TEX10: variants seen among roughly 807,000 people sequenced by gnomAD.
The protein encoded by TEX10 is testis expressed 10.
Under a neutral mutation model 104.4 loss-of-function variants are expected in TEX10, and 24 were observed. That is an observed-to-expected ratio of 0.23 (90% CI 0.17 to 0.32). The LOEUF (loss-of-function observed/expected upper bound fraction) is 0.32. TEX10 is among the 10% of genes least tolerant of loss of function. The pLI is 1.00. For synonymous variants in TEX10, 396 were observed against 393.4 expected (o/e 1.01, Z -0.08); for missense variants, 921 against 1,083.9 (o/e 0.85, Z 2.11).
intron 5 of TEX10, among the ~76,000 whole-genome samples, chr9:100,339,094 A>G (rs1187208151): frequency 1.3e-5 from 2 of 151,034 alleles, no homozygotes; most frequent in East Asian, 3.9e-4. Context: ...TCTCTACTAA[A>G]AATACAAAAA....
chr9:100,346,225 T>G lies in TEX10; in HGVS notation c.984A>C (p.Leu328=), dbSNP rs770324361. The G allele has an allele frequency of 1.2e-6, 2 of 1,614,002 alleles. No homozygotes were observed. Among genetic ancestry groups the G allele is most frequent in the South Asian group, 2.2e-5 (2 of 91,076 alleles). ...KGFIEIIIPL[L]IECWVEAVPP... is the part of the protein sequence containing the mutation. ...GTACAGCTTCAACCCAGCATTCAAT[T>G]AGCAATGGAATTATTATCTCAATAA... The change falls in exon 4 of 15, where the codon CTA becomes CTC. Residue 328 remains leucine, a synonymous_variant. Coordinates refer to ENST00000374902, the MANE Select transcript of TEX10 (RefSeq NM_017746.4).
At chr9:100,327,481 G>T (rs1038794553) in intron 8 of TEX10, among the ~76,000 whole-genome samples, 2 of 150,870 alleles carry the variant, frequency 1.3e-5, no homozygotes, top group Admixed American at 6.6e-5. Context: ...AAGTAATAAA[G>T]ATATGTCTTG....
At chr9:100,309,876 C>T (rs1238317719) in intron 12 of TEX10, among the ~76,000 whole-genome samples, 1 of 152,180 alleles carries the variant, frequency 6.6e-6, no homozygotes, top group Non-Finnish European at 1.5e-5. Flanking sequence ...GTTGAGTCTA[C>T]AGCTGCCAGT....
chr9:100,324,705 T>G (rs1015324931), intron 9 of TEX10, among the ~76,000 whole-genome samples: 1 of 152,200 alleles, frequency 6.6e-6, no homozygotes, highest in Admixed American at 6.5e-5. Context: ...GATGAAGACA[T>G]TAAATGCATC....
chr9:100,318,342 C>G (rs1834472777), intron 11 of TEX10, among the ~76,000 whole-genome samples: 1 of 152,162 alleles, frequency 6.6e-6, no homozygotes, highest in South Asian at 2.1e-4. Context: ...AGGCCATTAT[C>G]TTAAGTGAAA....
intron 7 of TEX10, 111 bp from the exon 8 acceptor site, chr9:100,328,073 T>C (rs1191963677): frequency 3.9e-6 from 3 of 766,400 alleles, no homozygotes; most frequent in South Asian, 4.4e-5. Flanking sequence ...TGACTAATTA[T>C]GTATCAATAA....
At chr9:100,321,179 A>G (rs1356924856) in intron 10 of TEX10, among the ~76,000 whole-genome samples, 1 of 152,230 alleles carries the variant, frequency 6.6e-6, no homozygotes, top group Non-Finnish European at 1.5e-5. Context: ...ATAAATATAC[A>G]GTAAACATAT....
At chr9:100,324,063 CCTT>C (rs1227682745) in intron 9 of TEX10, among the ~76,000 whole-genome samples, 1 of 152,066 alleles carries the variant, frequency 6.6e-6, no homozygotes, top group Non-Finnish European at 1.5e-5. Flanking sequence ...GATGGAGTCT[CCTT>C]CTGTCACCCA....
intron 5 of TEX10, 142 bp from the exon 6 acceptor site, chr9:100,330,311 C>G: frequency 1.5e-6 from 1 of 686,738 alleles, no homozygotes; most frequent in Non-Finnish European, 2.5e-6. Flanking sequence ...GGTGCATAGG[C>G]AAGACTTAGG....
At chr9:100,329,591 T>C (rs568551573) in intron 6 of TEX10, among the ~76,000 whole-genome samples, 2 of 152,278 alleles carry the variant, frequency 1.3e-5, no homozygotes, top group Admixed American at 6.5e-5. Context: ...ACTCTAAAAC[T>C]GACTTAATAT....
At chr9:100,304,621 G>A (rs1202001547) in intron 13 of TEX10, 2 of 152,212 alleles carry the variant, frequency 1.3e-5, no homozygotes, top group Non-Finnish European at 2.9e-5. Flanking sequence ...AGCACTTTGG[G>A]AGGCTGAGGC....
In TEX10 at chr9:100,308,819, C is replaced by T. The variant is rs1253038555; in HGVS notation, c.2284-138G>A. 9 of 648,360 alleles carry T rather than the reference C, an allele frequency of 1.4e-5. No homozygotes were observed. The Admixed American group carries it at 3.3e-4, about 23-fold the overall frequency. 40.2% of individuals were successfully genotyped at this position (648,360 alleles called of 1,614,324 possible). On this transcript the variant is annotated intron_variant, in intron 12 of 14. Transcript: ENST00000374902. ...ATATATACCTAACATATGCCACCTGCCACACCTTAAGGTCCTGTTTTCCTT... is the reference window on the plus strand; with the variant it reads ...ATATATACCTAACATATGCCACCTGTCACACCTTAAGGTCCTGTTTTCCTT...
At chr9:100,348,370 C>T (rs1358027382) in intron 2 of TEX10, among the ~76,000 whole-genome samples, 1 of 152,020 alleles carries the variant, frequency 6.6e-6, no homozygotes, top group Non-Finnish European at 1.5e-5. Flanking sequence ...GTAAATATAC[C>T]AAAACCAATG....
chr9:100,329,338 C>A, intron 6 of TEX10, 63 bp from the exon 7 acceptor site: 1 of 1,561,064 alleles, frequency 6.4e-7, no homozygotes, highest in Non-Finnish European at 8.6e-7. Flanking sequence ...CCCCAAATTC[C>A]TCTGAATGCA....
In TEX10 at chr9:100,333,009, G is replaced by GT. The variant is rs570930569; in HGVS notation, c.1251-2841dup. Among the ~76,000 whole-genome samples the GT allele has an allele frequency of 5.3e-5, 8 of 151,084 alleles. No homozygotes were observed. In the South Asian group the frequency reaches 8.6e-4, roughly 16 times the overall value. ...ACCAAGACATTCCTACCTGTTTTTT[G>GT]TTTTTTTGTTTTTGAGACAGAGTGT... On this transcript the variant is annotated intron_variant, in intron 5 of 14. Transcript: ENST00000374902.
At chr9:100,331,863 G>C (rs190752973) in intron 5 of TEX10, among the ~76,000 whole-genome samples, 21 of 152,294 alleles carry the variant, frequency 1.4e-4, no homozygotes, top group Middle Eastern at 6.8e-3. Context: ...GGGAGAAGGA[G>C]AGCATTTACA....
At chr9:100,310,175 C>G in intron 12 of TEX10, 124 bp downstream of exon 12, 1 of 784,070 alleles carries the variant, frequency 1.3e-6, no homozygotes, top group East Asian at 2.8e-5. Context: ...CATCATGCTG[C>G]AAGAGACTAT....
intron 11 of TEX10, among the ~76,000 whole-genome samples, chr9:100,319,757 G>A (rs1834518771): frequency 6.6e-6 from 1 of 152,122 alleles, no homozygotes; most frequent in Admixed American, 6.5e-5. Flanking sequence ...AGCAAGCAGA[G>A]ATTGCACCAT....
At position 100,329,265 on chromosome 9, in the gene TEX10, C is replaced by A. The variant is rs767464264; in HGVS notation, c.1500G>T (p.Glu500Asp). Residue 500 changes from glutamate to aspartate, a missense_variant, in exon 7 of 15, where the codon GAG becomes GAT. Coordinates refer to ENST00000374902, the MANE Select transcript of TEX10 (RefSeq NM_017746.4). ...MQIQPNREDT[E>D]TLIKAVYTLY... ...ATGTATAAACTGCCTTAATAAGAGT[C>A]TCTGTGTCCTCTACAAACAGAAAGA... The A allele has an allele frequency of 1.3e-6, 2 of 1,597,506 alleles. No individual in the cohort carries two copies. The highest frequency in any genetic ancestry group is 1.2e-5 in the South Asian group (1 of 86,720).
Sources: gnomAD v4.1 joint callset for allele counts (sites outside exome capture counted in the v4.1 genomes callset) on GRCh38, gnomAD v4.1.1 for gene constraint, MANE v1.5 for transcripts, NCBI Gene and HGNC (gene_info 2026-07-23, HGNC 2026-07-21) for gene names.